OR6C6: variants seen among roughly 807,000 people sequenced by gnomAD.
The protein encoded by OR6C6 is olfactory receptor 6C6.
For missense variants in OR6C6, 411 were observed against 366.8 expected, an observed-to-expected ratio of 1.12 and a Z score of -0.98; for synonymous variants, 140 against 135.2, an observed-to-expected ratio of 1.04 and a Z score of -0.25.
chr12:55,294,949 C>A lies in OR6C6; in HGVS notation c.284G>T (p.Cys95Phe). ...TRDKTISYNNCATQLFFILLP... is the reference protein window; with the variant it reads ...TRDKTISYNNFATQLFFILLP... ...AAGGATAAAAAATAATTGAGTTGCA[C>A]AATTATTATAAGAAATGGTTTTGTC... The change falls in exon 2 of 2, where the codon TGT becomes TTT. Residue 95 changes from cysteine (C) to phenylalanine (F), a missense_variant. Physicochemically the swap from Cys to Phe is radical, Grantham distance 205. Transcript: ENST00000358433. The A allele has an allele frequency of 2.5e-6, 4 of 1,613,772 alleles. No homozygotes were observed. Among genetic ancestry groups the A allele is most frequent in the Non-Finnish European group, 1.7e-6 (2 of 1,179,918 alleles).
chr12:55,294,763 G>T lies in OR6C6; in HGVS notation c.470C>A (p.Pro157Gln), dbSNP rs761623941. The change falls in exon 2 of 2, where the codon CCA becomes CAA. Residue 157 changes from proline (P) to glutamine (Q), a missense_variant. Physicochemically the swap from Pro to Gln is moderately conservative, Grantham distance 76. Coordinates refer to ENST00000358433, the MANE Select transcript of OR6C6 (RefSeq NM_001005493.2). ...ATCCAGCTTGAGTCCCATGACCAAT[G>T]GGGGAAATATGATTAAGAATCCAGT... ...WVTGFLIIFP[P>Q]LVMGLKLDFC... The T allele has an allele frequency of 3.1e-6, 5 of 1,613,696 alleles. No homozygotes were observed. The highest frequency in any genetic ancestry group is 4.2e-6 in the Non-Finnish European group (5 of 1,179,858).
intron 1 of OR6C6, among the ~76,000 whole-genome samples, chr12:55,295,710 T>C (rs1868253522): frequency 6.6e-6 from 1 of 152,068 alleles, no homozygotes; most frequent in Non-Finnish European, 1.5e-5. Flanking sequence ...GATCAATGAC[T>C]ATGGCAGCAC....
rs1289424720 is a variant in OR6C6 at position 55,296,376 on chromosome 12, A to G, written c.-83T>C. On this transcript the variant is annotated 5_prime_UTR_variant, in exon 1 of 2. It removes an upstream start codon present in the reference 5' UTR. Transcript: ENST00000358433. ...GTGCACGGAAGAGATGCATGCTAAC[A>G]TAATTAGTGACAATTCTACTCATTT... is the stretch of plus-strand genomic sequence containing the variant. 6.6e-6 allele frequency: 1 copy of G among 152,012 alleles called. No homozygotes were observed. Among genetic ancestry groups the G allele is most frequent in the African/African-American group, 2.4e-5 (1 of 41,430 alleles). The allele number at this position is 152,012 out of a possible 1,614,324, so 9.4% of individuals were successfully genotyped here. A position where few individuals can be genotyped will look rare whatever the true frequency, so the allele number is the denominator to read the frequency against.
chr12:55,294,263 T>A lies in OR6C6; in HGVS notation c.*25A>T. The A allele has an allele frequency of 7.0e-7, 1 of 1,427,328 alleles. No individual in the cohort carries two copies. The highest frequency in any genetic ancestry group is 1.8e-4 in the Middle Eastern group (1 of 5,540). 88.4% of individuals were successfully genotyped at this position (1,427,328 alleles called of 1,614,324 possible). ...CCAGGCCGTTTTCCAGTTTTTATGG[T>A]AAAGTTGTAATTTGTAGCAGATTCT... is the stretch of plus-strand genomic sequence containing the variant. On this transcript the variant is annotated 3_prime_UTR_variant, in exon 2 of 2. Coordinates refer to ENST00000358433, the MANE Select transcript of OR6C6 (RefSeq NM_001005493.2).
chr12:55,295,107 GATT>G lies in OR6C6; in HGVS notation c.123_125del (p.Leu41_Ile42delinsPhe). 1 of 1,613,880 alleles carries G rather than the reference GATT, an allele frequency of 6.2e-7. No homozygotes were observed. Among genetic ancestry groups the G allele is most frequent in the Non-Finnish European group, 8.5e-7 (1 of 1,179,874 alleles). Reference sequence around the variant, plus strand: ...GATCCAGCAGGGTGAGGATGATGATGATTAAGTTCCCCATCAGGCTCAAGGTGT... The same window carrying G: ...GATCCAGCAGGGTGAGGATGATGATGAAGTTCCCCATCAGGCTCAAGGTGT... On this transcript the variant is annotated inframe_deletion, in exon 2 of 2. Transcript: ENST00000358433.
chr12:55,294,778 A>G lies in OR6C6; in HGVS notation c.455T>C (p.Leu152Ser). The G allele has an allele frequency of 1.2e-6, 2 of 1,614,124 alleles. No homozygotes were observed. Residue 152 changes from leucine to serine, a missense_variant, in exon 2 of 2, where the codon TTA becomes TCA. By Grantham distance (145) the Leu-to-Ser change is moderately radical (BLOSUM62 -2). Transcript: ENST00000358433. ...LVLSSWVTGFLIIFPPLVMGL... is the reference protein window; with the variant it reads ...LVLSSWVTGFSIIFPPLVMGL... ...CATGACCAATGGGGGAAATATGATT[A>G]AGAATCCAGTTACCCAAGAGCTAAG...
chr12:55,295,194 T>C lies in OR6C6; in HGVS notation c.39A>G (p.Leu13=), dbSNP rs1401304935. 1.5e-5 allele frequency: 24 copies of C among 1,611,374 alleles called. No individual in the cohort carries two copies. Among genetic ancestry groups the C allele is most frequent in the Non-Finnish European group, 1.9e-5 (22 of 1,178,004 alleles). ...NKSMEIEFIL[L]GLTDDPQLQI... ...GCAACTGTGGGTCATCTGTCAATCC[T>C]AGGAGAATGAACTCTATTTCCATTG... is the stretch of plus-strand genomic sequence containing the variant. The change falls in exon 2 of 2, where the codon CTA becomes CTG. Residue 13 remains leucine (L), a synonymous_variant. Transcript: ENST00000358433.
At position 55,294,941 on chromosome 12, in the gene OR6C6, G is replaced by C; in HGVS notation, c.292C>G (p.Gln98Glu). Residue 98 changes from glutamine to glutamate, a missense_variant, in exon 2 of 2, where the codon CAA (glutamine) becomes GAA (glutamate). Transcript: ENST00000358433. ...CCCGGTAAAAGGATAAAAAATAATTGAGTTGCACAATTATTATAAGAAATG... is the reference window on the plus strand; with the variant it reads ...CCCGGTAAAAGGATAAAAAATAATTCAGTTGCACAATTATTATAAGAAATG... ...KTISYNNCAT[Q>E]LFFILLPGVT... 1 of 1,613,832 alleles carries C rather than the reference G, an allele frequency of 6.2e-7. No homozygotes were observed. Among genetic ancestry groups the C allele is most frequent in the Non-Finnish European group, 8.5e-7 (1 of 1,179,920 alleles).
In OR6C6 at chr12:55,295,173, C is replaced by T. The variant is rs759867073; in HGVS notation, c.60G>A (p.Gln20=). 1.1e-5 allele frequency: 18 copies of T among 1,613,384 alleles called. No individual in the cohort carries two copies. In the Middle Eastern group the frequency reaches 4.9e-4, roughly 44 times the overall value. The change falls in exon 2 of 2, where the codon CAG becomes CAA. Residue 20 remains glutamine, a synonymous_variant. Coordinates refer to ENST00000358433, the MANE Select transcript of OR6C6 (RefSeq NM_001005493.2). The part of the protein sequence containing the change: ...FILLGLTDDP[Q]LQIVIFLFLF... ...GAAACAGGAAAATCACAATTTGCAA[C>T]TGTGGGTCATCTGTCAATCCTAGGA...
rs200933800 is a variant in OR6C6 at position 55,295,186 on chromosome 12, G to A, written c.47C>T (p.Thr16Ile). 3.1e-6 allele frequency: 5 copies of A among 1,612,682 alleles called. No individual in the cohort carries two copies. The highest frequency in any genetic ancestry group is 4.2e-6 in the Non-Finnish European group (5 of 1,179,014). ...MEIEFILLGL[T>I]DDPQLQIVIF... ...CACAATTTGCAACTGTGGGTCATCTGTCAATCCTAGGAGAATGAACTCTAT... is the reference window on the plus strand; with the variant it reads ...CACAATTTGCAACTGTGGGTCATCTATCAATCCTAGGAGAATGAACTCTAT... Residue 16 changes from threonine (T) to isoleucine (I), a missense_variant, in exon 2 of 2, where the codon ACA becomes ATA. By Grantham distance (89) the Thr-to-Ile change is moderately conservative. Transcript: ENST00000358433.
Position 55,294,807 on chromosome 12 carries a change from A to T in OR6C6, c.426T>A (p.Leu142=). ...IIMSSKVCYQ[L]VLSSWVTGFL... Reference sequence around the variant, plus strand: ...ATCCAGTTACCCAAGAGCTAAGTACAAGTTGGTAGCAGACTTTGCTGCTCA... The same window carrying T: ...ATCCAGTTACCCAAGAGCTAAGTACTAGTTGGTAGCAGACTTTGCTGCTCA... The change falls in exon 2 of 2, where the codon CTT becomes CTA. Residue 142 remains leucine, a synonymous_variant. Transcript: ENST00000358433. 6.2e-7 allele frequency: 1 copy of T among 1,614,036 alleles called. No homozygotes were observed. The highest frequency in any genetic ancestry group is 1.1e-5 in the South Asian group (1 of 91,078).
rs1565656613 is a variant in OR6C6, at chr12:55,295,265, G to A, written c.-25-8C>T. 7.2e-7 allele frequency: 1 copy of A among 1,396,786 alleles called. No homozygotes were observed. Among genetic ancestry groups the A allele is most frequent in the Admixed American group, 2.2e-5 (1 of 45,634 alleles). The allele number at this position is 1,396,786 out of a possible 1,614,324, so 86.5% of individuals were successfully genotyped here. On this transcript the variant is annotated splice_region_variant and splice_polypyrimidine_tract_variant and intron_variant, in intron 1 of 1. Coordinates refer to ENST00000358433, the MANE Select transcript of OR6C6 (RefSeq NM_001005493.2). Reference sequence around the variant, plus strand: ...TTGTGATCCTTATCAAATCTACATAGAAAGGGAAAAACAAAATTTATACAT... The same window carrying A: ...TTGTGATCCTTATCAAATCTACATAAAAAGGGAAAAACAAAATTTATACAT...
chr12:55,294,269 T>C lies in OR6C6; in HGVS notation c.*19A>G. 6.9e-7 allele frequency: 1 copy of C among 1,454,830 alleles called. No individual in the cohort carries two copies. Among genetic ancestry groups the C allele is most frequent in the Non-Finnish European group, 9.5e-7 (1 of 1,050,718 alleles). 90.1% of individuals were successfully genotyped at this position (1,454,830 alleles called of 1,614,324 possible). A position where few individuals can be genotyped will look rare whatever the true frequency, so the allele number is the denominator to read the frequency against. ...CGTTTTCCAGTTTTTATGGTAAAGT[T>C]GTAATTTGTAGCAGATTCTTAAAAT... On this transcript the variant is annotated 3_prime_UTR_variant, in exon 2 of 2. Coordinates refer to ENST00000358433, the MANE Select transcript of OR6C6 (RefSeq NM_001005493.2).
Position 55,295,176 on chromosome 12 carries a change from T to C in OR6C6, c.57A>G (p.Pro19=), listed in dbSNP as rs1204698229. Residue 19 remains proline (P), a synonymous_variant, in exon 2 of 2, where the codon CCA becomes CCG. Coordinates refer to ENST00000358433, the MANE Select transcript of OR6C6 (RefSeq NM_001005493.2). ...ACAGGAAAATCACAATTTGCAACTG[T>C]GGGTCATCTGTCAATCCTAGGAGAA... ...EFILLGLTDD[P]QLQIVIFLFL... is the part of the protein sequence containing the mutation. 6.2e-7 allele frequency: 1 copy of C among 1,613,592 alleles called. No homozygotes were observed. Among genetic ancestry groups the C allele is most frequent in the East Asian group, 2.2e-5 (1 of 44,860 alleles).
At chr12:55,296,038 T>C (rs1868255021) in intron 1 of OR6C6, among the ~76,000 whole-genome samples, 1 of 145,804 alleles carries the variant, frequency 6.9e-6, no homozygotes, top group South Asian at 2.1e-4. Context: ...GACATATTAC[T>C]TTCTATCCTT....
Position 55,294,286 on chromosome 12 carries a change from T to C in OR6C6, c.*2A>G. ...GGTAAAGTTGTAATTTGTAGCAGAT[T>C]CTTAAAATGGTCTTTTAGAAAAACA... On this transcript the variant is annotated 3_prime_UTR_variant, in exon 2 of 2. Transcript: ENST00000358433. The C allele has an allele frequency of 6.5e-7, 1 of 1,549,924 alleles. No individual in the cohort carries two copies.
rs1289881515 is a variant in OR6C6 at position 55,294,810 on chromosome 12, T to C, written c.423A>G (p.Gln141=). Residue 141 remains glutamine (Q), a synonymous_variant, in exon 2 of 2, where the codon CAA becomes CAG. Transcript: ENST00000358433. ...CAGTTACCCAAGAGCTAAGTACAAGTTGGTAGCAGACTTTGCTGCTCATAA... is the reference window on the plus strand; with the variant it reads ...CAGTTACCCAAGAGCTAAGTACAAGCTGGTAGCAGACTTTGCTGCTCATAA... The part of the protein sequence containing the change: ...PIIMSSKVCY[Q]LVLSSWVTGF... The C allele has an allele frequency of 4.3e-6, 7 of 1,614,020 alleles. No homozygotes were observed. Among genetic ancestry groups the C allele is most frequent in the Non-Finnish European group, 5.9e-6 (7 of 1,179,922 alleles).
rs11171402 is a variant in OR6C6, at chr12:55,294,664, G to A, written c.569C>T (p.Thr190Ile). Residue 190 changes from threonine to isoleucine, a missense_variant, in exon 2 of 2, where the codon ACC becomes ATC. Transcript: ENST00000358433. ...AAAAGACATCAATTCTAGGACATGG[G>A]TATCTGTGCAGGAGATCTGCAGAAT... ...SPILQISCTD[T>I]HVLELMSFTL... The A allele has an allele frequency of 7.2e-3, 11,597 of 1,613,940 alleles. 754 individuals are homozygous for A. The African/African-American group carries it at 0.14, about 19-fold the overall frequency.
At position 55,296,383 on chromosome 12, in the gene OR6C6, G is replaced by A. The variant is rs1868256457; in HGVS notation, c.-90C>T. ...GAAGAGATGCATGCTAACATAATTAGTGACAATTCTACTCATTTTATGACC... is the reference window on the plus strand; with the variant it reads ...GAAGAGATGCATGCTAACATAATTAATGACAATTCTACTCATTTTATGACC... On this transcript the variant is annotated 5_prime_UTR_variant, in exon 1 of 2. Transcript: ENST00000358433. 6.6e-6 allele frequency: 1 copy of A among 151,938 alleles called. No homozygotes were observed. The allele number at this position is 151,938 out of a possible 1,614,324, so 9.4% of individuals were successfully genotyped here.
Sources: allele counts gnomAD v4.1 joint callset (sites outside exome capture counted in the v4.1 genomes callset), GRCh38; gene constraint gnomAD v4.1.1; transcripts MANE v1.5; gene names NCBI Gene and HGNC (gene_info 2026-07-23, HGNC 2026-07-21).